Variants in APC observed in about 807,000 individuals in gnomAD.
APC encodes adenomatous polyposis coli protein.
APC carries 72 observed loss-of-function variants against 247.0 expected under a neutral mutation model. The observed-to-expected ratio is 0.29, with a 90% confidence interval of 0.24 to 0.35. The LOEUF is 0.35. Ranked by LOEUF, APC falls within the 10% of genes least tolerant of loss-of-function variation. APC has a pLI of 1.00. For synonymous variants in APC, 1,254 were observed against 1,162.5 expected (o/e 1.08, Z -1.60); for missense variants, 3,400 against 3,360.7 (o/e 1.01, Z -0.29).
chr5:112,777,029 A>G (rs1004989082), intron 5 of APC, among the ~76,000 whole-genome samples: 1 of 152,154 alleles, frequency 6.6e-6, no homozygotes, highest in Non-Finnish European at 1.5e-5. Flanking sequence ...GCATTTATAG[A>G]TATGAATTCT....
At chr5:112,740,963 G>T (rs529086564) in intron 1 of APC, among the ~76,000 whole-genome samples, 1 of 152,030 alleles carries the variant, frequency 6.6e-6, no homozygotes, top group Admixed American at 6.5e-5. Flanking sequence ...ATGTTTAAAT[G>T]TTCTCTTCAA....
Position 112,707,544 on chromosome 5 carries a change from C to T in APC, c.-174C>T, listed in dbSNP as rs1580995974. ...CCACAAGATGGCGGAGGGCAAGTAG[C>T]AAGGGGGCGGGGTGTGGCCGCCGGA... On this transcript the variant is annotated 5_prime_UTR_variant, in exon 1 of 14. Transcript: ENST00000507379. 1.9e-6 allele frequency: 1 copy of T among 537,800 alleles called. No homozygotes were observed. The highest frequency in any genetic ancestry group is 1.9e-5 in the South Asian group (1 of 52,706). 33.3% of individuals were successfully genotyped at this position (537,800 alleles called of 1,614,324 possible). A position where few individuals can be genotyped will look rare whatever the true frequency, so the allele number is the denominator to read the frequency against.
At chr5:112,768,430 TATTCAGTAACTACTAGATTCAGTAAAA>T (rs921213696) in intron 4 of APC, among the ~76,000 whole-genome samples, 37 of 151,386 alleles carry the variant, frequency 2.4e-4, no homozygotes, top group African/African-American at 9.0e-4. Flanking sequence ...TATTGAAGTA[TATTCAGTAACTACTAGATTCAGTAAAA>T]GATGACTCTT....
At chr5:112,732,394 A>G (rs982001379) in intron 1 of APC, among the ~76,000 whole-genome samples, 2 of 152,224 alleles carry the variant, frequency 1.3e-5, no homozygotes, top group African/African-American at 4.8e-5. Flanking sequence ...TCTGCAGTGT[A>G]ACAACTAAGC....
intron 14 of APC, among the ~76,000 whole-genome samples, chr5:112,834,152 G>T (rs1008580120): frequency 1.3e-5 from 2 of 151,152 alleles, no homozygotes; most frequent in Non-Finnish European, 2.9e-5. Context: ...ATGTTGTCCA[G>T]GCTGGTCTCA....
chr5:112,787,987 T>A (rs548244703), intron 6 of APC, among the ~76,000 whole-genome samples: 1 of 152,212 alleles, frequency 6.6e-6, no homozygotes, highest in Non-Finnish European at 1.5e-5. Context: ...TATATAGTTA[T>A]GTATAGTCAT....
Position 112,838,524 on chromosome 5 carries a change from G to A in APC, c.2930G>A (p.Gly977Asp), listed in dbSNP as rs749807999. The A allele has an allele frequency of 6.2e-7, 1 of 1,614,032 alleles. No homozygotes were observed. Among genetic ancestry groups the A allele is most frequent in the Non-Finnish European group, 8.5e-7 (1 of 1,180,032 alleles). ...AGTAGTGATGGTTATGGTAAAAGAG[G>A]TCAAATGAAACCCTCGATTGAATCC... ...VSSSDGYGKR[G>D]QMKPSIESYS... is the part of the protein sequence containing the mutation. The change falls in exon 16 of 16, where the codon GGT becomes GAT. Residue 977 changes from glycine to aspartate, a missense_variant. Around this residue, in one of 9 missense-constraint regions of APC, gnomAD observed 715 missense variants for 656.6 expected, o/e 1.09. Transcript: ENST00000257430.
chr5:112,755,003 A>C lies in APC; in HGVS notation c.113A>C (p.Glu38Ala), dbSNP rs1754800670. The change falls in exon 2 of 16, where the codon GAA (glutamate) becomes GCA (alanine). Residue 38 changes from glutamate (E) to alanine (A), a missense_variant. This residue lies in a region of APC where 372 missense variants were observed against 367.6 expected (regional missense o/e 1.01). Coordinates refer to ENST00000257430, the MANE Select transcript of APC (RefSeq NM_000038.6). ...AATTCCAATCATCTTACAAAACTGG[A>C]AACTGAGGCATCTAATATGAAGGTA... ...EDNSNHLTKL[E>A]TEASNMKEVL... 1 of 1,613,810 alleles carries C rather than the reference A, an allele frequency of 6.2e-7. No homozygotes were observed. Among genetic ancestry groups the C allele is most frequent in the African/African-American group, 1.3e-5 (1 of 75,064 alleles).
At chr5:112,717,201 C>T (rs1243882325) in intron 1 of APC, among the ~76,000 whole-genome samples, 7 of 151,968 alleles carry the variant, frequency 4.6e-5, no homozygotes, top group African/African-American at 1.7e-4. Flanking sequence ...TGAGTAGATA[C>T]GGGGTTTCAC....
rs1027353387 is a variant in APC, at chr5:112,828,715, A to G, written c.1627-141A>G. On this transcript the variant is annotated intron_variant, in intron 13 of 15. Transcript: ENST00000257430. ...CCTCCTGCCTCAGCCTCCCAAAGTG[A>G]TAGGATTACAGGCGTGAGTCACCAC... The G allele has an allele frequency of 4.9e-6, 3 of 618,156 alleles. No individual in the cohort carries two copies. In the Admixed American group the frequency reaches 7.8e-5, roughly 16 times the overall value. 38.3% of individuals were successfully genotyped at this position (618,156 alleles called of 1,614,324 possible). A position where few individuals can be genotyped will look rare whatever the true frequency, so the allele number is the denominator to read the frequency against.
In APC at chr5:112,842,730, C is replaced by A. The variant is rs767691072; in HGVS notation, c.7136C>A (p.Thr2379Asn). ...PGRQMSQQNL[T>N]KQTGLSKNAS... ...AGACAGATGAGCCAACAGAACCTTA[C>A]CAAACAAACAGGTTTATCCAAGAAT... Residue 2379 changes from threonine (T) to asparagine (N), a missense_variant, in exon 16 of 16, where the codon ACC becomes AAC. By Grantham distance (65) the Thr-to-Asn change is moderately conservative. Transcript: ENST00000257430. 3 of 1,613,926 alleles carry A rather than the reference C, an allele frequency of 1.9e-6. No individual in the cohort carries two copies. The highest frequency in any genetic ancestry group is 1.1e-5 in the South Asian group (1 of 91,084).
intron 1 of APC, among the ~76,000 whole-genome samples, chr5:112,752,665 C>CA (rs961943947): frequency 1.3e-5 from 2 of 152,106 alleles, no homozygotes; most frequent in East Asian, 1.9e-4. Context: ...CGTGTAATTG[C>CA]AAAAAAGGCA....
chr5:112,771,456 C>T (rs1300965821), intron 4 of APC, among the ~76,000 whole-genome samples: 1 of 152,092 alleles, frequency 6.6e-6, no homozygotes, highest in Non-Finnish European at 1.5e-5. Flanking sequence ...GTTCTTGACT[C>T]TTGCTGTGTT....
chr5:112,835,898 C>T (rs1451557189), intron 15 of APC, among the ~76,000 whole-genome samples: 3 of 151,056 alleles, frequency 2.0e-5, no homozygotes, highest in African/African-American at 7.3e-5. Flanking sequence ...ATTTAGCTAA[C>T]AGCCATTCAT....
At chr5:112,827,078 G>A in intron 11 of APC, 30 bp from the exon 12 acceptor site, 1 of 1,611,412 alleles carries the variant, frequency 6.2e-7, no homozygotes, top group East Asian at 2.2e-5. Context: ...TTAGATGATT[G>A]TCTTTTTCCT....
Position 112,844,759 on chromosome 5 carries a change from T to C in APC, c.*633T>C. ...TGTAATAATTTACACTATTTTGTGC[T>C]CCAAACAAAACAAAAATCTGTGTAA... On this transcript the variant is annotated 3_prime_UTR_variant, in exon 16 of 16. Transcript: ENST00000257430. 4.3e-6 allele frequency: 1 copy of C among 231,942 alleles called. No homozygotes were observed. The allele number at this position is 231,942 out of a possible 1,614,324, so 14.4% of individuals were successfully genotyped here.
At chr5:112,788,575 C>T (rs2149672092) in intron 6 of APC, among the ~76,000 whole-genome samples, 1 of 152,218 alleles carries the variant, frequency 6.6e-6, no homozygotes, top group East Asian at 1.9e-4. Flanking sequence ...GAACCTGGCA[C>T]ATAGTAAGCA....
intron 1 of APC, among the ~76,000 whole-genome samples, chr5:112,712,779 C>G (rs1395055197): frequency 6.6e-6 from 1 of 152,194 alleles, no homozygotes; most frequent in Non-Finnish European, 1.5e-5. Flanking sequence ...TTTCAGAAAT[C>G]TTGGTTCTTC....
chr5:112,754,596 A>G (rs1273420855), intron 1 of APC, among the ~76,000 whole-genome samples: 1 of 152,198 alleles, frequency 6.6e-6, no homozygotes, highest in Non-Finnish European at 1.5e-5. Context: ...ATTACTTGAT[A>G]GAAAGTTTAA....
Sources: gnomAD v4.1 joint callset for allele counts (sites outside exome capture counted in the v4.1 genomes callset) on GRCh38, gnomAD v4.1.1 for gene constraint, gnomAD v4.1.1 regional missense constraint, MANE v1.5 for transcripts, NCBI Gene and HGNC (gene_info 2026-07-23, HGNC 2026-07-21) for gene names.